C12orf76: variants seen among roughly 807,000 people sequenced by gnomAD.
C12orf76 encodes chromosome 12 open reading frame 76.
Under a neutral mutation model 6.8 loss-of-function variants are expected in C12orf76, and 6 were observed. That is an observed-to-expected ratio of 0.88 (90% CI 0.48 to 1.73). The LOEUF is 1.73. Among genes scored for constraint, C12orf76 ranks in the 40% most tolerant of loss-of-function variants. C12orf76 has a pLI of 0.01. For missense variants in C12orf76, 99 were observed against 98.2 expected (o/e 1.01, Z -0.03); for synonymous variants, 56 against 43.7 (o/e 1.28, Z -1.11).
rs778767477 is a variant in C12orf76 at position 110,048,442 on chromosome 12, C to A, written c.54G>T (p.Val18=). The A allele has an allele frequency of 1.3e-5, 20 of 1,506,726 alleles. No homozygotes were observed. Among genetic ancestry groups the A allele is most frequent in the Admixed American group, 2.1e-5 (1 of 47,904 alleles). The allele number at this position is 1,506,726 out of a possible 1,614,324, so 93.3% of individuals were successfully genotyped here. A position where few individuals can be genotyped will look rare whatever the true frequency, so the allele number is the denominator to read the frequency against. ...WLYLGLCSLL[V]GEAEAPSPVD... ...CGGGGCTCGGGGCCTCTGCCTCCCC[C>A]ACCAGGAGGCTGCAGAGGCCAAGGT... The change falls in exon 1 of 2, where the codon GTG becomes GTT. Residue 18 remains valine, a synonymous_variant. Coordinates refer to ENST00000615315, the MANE Select transcript of C12orf76 (RefSeq NM_001389625.1).
chr12:110,065,760 T>C lies in C12orf76; in HGVS notation n.380+100A>G, dbSNP rs141187836. 4.1e-4 allele frequency: 653 copies of C among 1,602,996 alleles called. 7 individuals are homozygous for C. In the East Asian group the frequency reaches 0.014, roughly 35 times the overall value. ...AACATGAGTCAGATGGTTTCACTTCTCTGCATAATACTTTTCAGTGGCTTC... is the reference window on the plus strand; with the variant it reads ...AACATGAGTCAGATGGTTTCACTTCCCTGCATAATACTTTTCAGTGGCTTC... On this transcript the variant is annotated intron_variant and non_coding_transcript_variant, in intron 2 of 4. Coordinates refer to the C12orf76 transcript ENST00000309050.
Position 110,048,349 on chromosome 12 carries a change from C to G in C12orf76, c.133+14G>C. Reference sequence around the variant, plus strand: ...AGGCACTACCCGCCGCCCGCCAGCCCGAGGGCCGCTCACCCAGGTTCTGCC... The same window carrying G: ...AGGCACTACCCGCCGCCCGCCAGCCGGAGGGCCGCTCACCCAGGTTCTGCC... On this transcript the variant is annotated intron_variant, in intron 1 of 1. Coordinates refer to ENST00000615315, the MANE Select transcript of C12orf76 (RefSeq NM_001389625.1). 1 of 1,494,338 alleles carries G rather than the reference C, an allele frequency of 6.7e-7. No individual in the cohort carries two copies. The highest frequency in any genetic ancestry group is 8.9e-7 in the Non-Finnish European group (1 of 1,126,748). 92.6% of individuals were successfully genotyped at this position (1,494,338 alleles called of 1,614,324 possible).
chr12:110,048,851 A>G (rs1892522689), upstream of C12orf76: 1 of 191,448 alleles, frequency 5.2e-6, no homozygotes, highest in Non-Finnish European at 1.0e-5. Flanking sequence ...GCATTTTCTT[A>G]TTAAACCTTC....
At chr12:110,042,557 G>A (rs771971982) in intron 1 of C12orf76, 98 bp from the exon 2 acceptor site, 2 of 781,590 alleles carry the variant, frequency 2.6e-6, no homozygotes, top group African/African-American at 1.7e-5. Context: ...TTGCTGCCAG[G>A]CACTATGTCA....
upstream of C12orf76, chr12:110,048,586 C>T (rs2137220986): frequency 7.5e-7 from 1 of 1,326,706 alleles, no homozygotes; most frequent in Non-Finnish European, 9.6e-7. Context: ...CTGCCACCGC[C>T]CTTAGGGCGC....
chr12:110,056,661 T>C (rs1055991525), intron 4 of C12orf76, among the ~76,000 whole-genome samples: 1 of 152,124 alleles, frequency 6.6e-6, no homozygotes, highest in Non-Finnish European at 1.5e-5. Context: ...GTTAGGGCCA[T>C]TGATATGGTT....
chr12:110,042,402 C>G lies in C12orf76; in HGVS notation c.191G>C (p.Cys64Ser). ...CCGACGCCGAATGGGCTTGTAGACA[C>G]AAAATGCCATAAGGATGACAGTCAC... Reference protein sequence around the residue: ...LLVTVILMAFCVYKPIRRR With the variant: ...LLVTVILMAFSVYKPIRRR The change falls in exon 2 of 2, where the codon TGT becomes TCT. Residue 64 changes from cysteine to serine, a missense_variant. Cys to Ser is a moderately radical substitution (Grantham distance 112). Coordinates refer to ENST00000615315, the MANE Select transcript of C12orf76 (RefSeq NM_001389625.1). 1 of 1,614,176 alleles carries G rather than the reference C, an allele frequency of 6.2e-7. No individual in the cohort carries two copies. The highest frequency in any genetic ancestry group is 8.5e-7 in the Non-Finnish European group (1 of 1,180,016).
upstream of C12orf76, among the ~76,000 whole-genome samples, chr12:110,070,217 G>A (rs1239334159): frequency 7.1e-6 from 1 of 140,788 alleles, no homozygotes; most frequent in East Asian, 2.2e-4. Context: ...CAGCCTAGGT[G>A]ACAGAGTAAG....
intron 2 of C12orf76, among the ~76,000 whole-genome samples, chr12:110,060,353 A>G (rs968121244): frequency 1.3e-5 from 2 of 151,796 alleles, no homozygotes; most frequent in African/African-American, 4.8e-5. Flanking sequence ...TCCTCCGCCC[A>G]CTCCAGTCTG....
At chr12:110,062,151 C>T (rs555571841) in intron 2 of C12orf76, among the ~76,000 whole-genome samples, 1 of 152,190 alleles carries the variant, frequency 6.6e-6, no homozygotes, top group South Asian at 2.1e-4. Flanking sequence ...GTAATCCCAG[C>T]TACTTAGGAA....
chr12:110,065,670 C>T (rs1892846490), intron 2 of C12orf76, among the ~76,000 whole-genome samples: 1 of 152,130 alleles, frequency 6.6e-6, no homozygotes, highest in African/African-American at 2.4e-5. Context: ...CTCACTGGTC[C>T]CTCACCGTCA....
At chr12:110,043,134 G>T (rs1049538473) in intron 1 of C12orf76, among the ~76,000 whole-genome samples, 3 of 151,936 alleles carry the variant, frequency 2.0e-5, no homozygotes, top group African/African-American at 7.3e-5. Context: ...CATGCTGCAG[G>T]CCCACAGATC....
chr12:110,051,572 G>T (rs915576513), upstream of C12orf76, among the ~76,000 whole-genome samples: 4 of 151,938 alleles, frequency 2.6e-5, no homozygotes, highest in African/African-American at 9.7e-5. Context: ...GATTACAGGC[G>T]CACGCCACCA....
At chr12:110,052,138 C>T (rs564860561), upstream of C12orf76, among the ~76,000 whole-genome samples, 46 of 149,256 alleles carry the variant, frequency 3.1e-4, no homozygotes, top group Non-Finnish European at 5.1e-4. Context: ...CCTCATGATC[C>T]GCCCGCCTTG....
rs576397530 is a variant in C12orf76 at position 110,043,517 on chromosome 12, T to C, written c.134-1058A>G. Among the ~76,000 whole-genome samples the C allele has an allele frequency of 5.6e-4, 85 of 152,164 alleles. 1 individual carries two copies. The highest frequency in any genetic ancestry group is 2.0e-3 in the African/African-American group (85 of 41,504). On this transcript the variant is annotated intron_variant, in intron 1 of 1. Transcript: ENST00000615315. ...TAAAGTATTTCAGTCTCAAGATGAG[T>C]CTTGACAGGGCCTTTTGAGCAAAGA...
upstream of C12orf76, chr12:110,050,025 A>T (rs1306965008): frequency 6.6e-6 from 1 of 152,250 alleles, no homozygotes; most frequent in Non-Finnish European, 1.5e-5. Context: ...ATTTTAAGGC[A>T]GTAGCTTGCC....
intron 1 of C12orf76, among the ~76,000 whole-genome samples, chr12:110,043,199 G>A (rs980706034): frequency 1.3e-5 from 2 of 152,130 alleles, no homozygotes. Flanking sequence ...GTGAACAGAA[G>A]GGAGGCAACC....
At position 110,045,359 on chromosome 12, in the gene C12orf76, G is replaced by A. The variant is rs565050512; in HGVS notation, c.134-2900C>T. ...TGTAATCCCAGTGAGAGGCCAAGGCGGGCGGATCACAAGATCAGGAGATCG... is the reference window on the plus strand; with the variant it reads ...TGTAATCCCAGTGAGAGGCCAAGGCAGGCGGATCACAAGATCAGGAGATCG... On this transcript the variant is annotated intron_variant, in intron 1 of 1. Transcript: ENST00000615315. Among the ~76,000 whole-genome samples the A allele has an allele frequency of 8.5e-5, 13 of 152,276 alleles. No homozygotes were observed. The South Asian group carries it at 1.9e-3, about 22-fold the overall frequency.
At chr12:110,073,110 T>A (rs757694776) in intron 1 of C12orf76, among the ~76,000 whole-genome samples, 30 of 152,124 alleles carry the variant, frequency 2.0e-4, no homozygotes, top group Non-Finnish European at 3.8e-4. Flanking sequence ...CCTTGCCTCC[T>A]CCCTGGGAAT....
Sources: allele counts gnomAD v4.1 joint callset (sites outside exome capture counted in the v4.1 genomes callset), GRCh38; gene constraint gnomAD v4.1.1; transcripts MANE v1.5; gene names NCBI Gene and HGNC (gene_info 2026-07-23, HGNC 2026-07-21).